The following SBK1 variants were observed in gnomAD, a reference collection of about 807,000 sequenced individuals.
SBK1 encodes the protein SH3 domain binding kinase 1.
SBK1 carries 11 observed loss-of-function variants against 24.4 expected under a neutral mutation model. The ratio of observed to expected loss-of-function variants is 0.45; its 90% CI spans 0.28 to 0.75. SBK1 has a LOEUF of 0.75. Among genes scored for constraint, SBK1 ranks in the 30% least tolerant of loss-of-function variants. SBK1 has a pLI of 0.12. For synonymous variants in SBK1, 308 were observed against 284.4 expected (o/e 1.08, Z -0.83); for missense variants, 467 against 620.5 (o/e 0.75, Z 2.63).
In SBK1 at chr16:28,266,747, TTA is replaced by T. The variant is rs1491262090; in HGVS notation, c.257+7246_257+7247del. Among the ~76,000 whole-genome samples, 134 of 137,142 alleles carry T rather than the reference TTA, an allele frequency of 9.8e-4. 1 individual carries two copies. The highest frequency in any genetic ancestry group is 3.1e-3 in the African/African-American group (105 of 33,546). The allele number at this position is 137,142 out of a possible 152,430, so 90.0% of individuals were successfully genotyped here. On this transcript the variant is annotated intron_variant, in intron 1 of 3. Coordinates refer to the SBK1 transcript ENST00000671413. ...TTTTTTCTTTTCTTTTTTTTTTTTTTTAAAAAAAAAACAAAACAGGATCTTGC... is the reference window on the plus strand; with the variant it reads ...TTTTTTCTTTTCTTTTTTTTTTTTTTAAAAAAAAACAAAACAGGATCTTGC...
chr16:28,290,085 C>CAA (rs34970334), upstream of SBK1, among the ~76,000 whole-genome samples: 5 of 102,722 alleles, frequency 4.9e-5, no homozygotes, highest in Admixed American at 1.1e-4. Context: ...GACCCTGTCT[C>CAA]AAAAAAAAAA....
At position 28,320,516 on chromosome 16, in the gene SBK1, C is replaced by T. The variant is rs1417172856; in HGVS notation, c.870C>T (p.Arg290=). The part of the protein sequence containing the change: ...QWRRFTEPAL[R]MFQRLLALEP... ...GCCGCTTCACCGAGCCCGCGCTGCG[C>T]ATGTTCCAGCGCTTACTGGCCCTGG... is the stretch of plus-strand genomic sequence containing the variant. Residue 290 remains arginine (R), a synonymous_variant, in exon 4 of 4, where the codon CGC becomes CGT. Transcript: ENST00000341901. This position sits in a 1 kb window ranked among gnomAD's most constrained non-coding sequence, Gnocchi z 8.5. The T allele has an allele frequency of 1.3e-6, 2 of 1,570,484 alleles. No homozygotes were observed. The highest frequency in any genetic ancestry group is 1.7e-6 in the Non-Finnish European group (2 of 1,164,354).
At chr16:28,276,233 C>T (rs1483561536) in intron 1 of SBK1, among the ~76,000 whole-genome samples, 1 of 152,198 alleles carries the variant, frequency 6.6e-6, no homozygotes, top group Non-Finnish European at 1.5e-5. Flanking sequence ...ACAGCAACGT[C>T]AGCACCCCTG....
intron 1 of SBK1, among the ~76,000 whole-genome samples, chr16:28,294,732 GC>G (rs1567675541): frequency 6.6e-6 from 1 of 152,172 alleles, no homozygotes; most frequent in Non-Finnish European, 1.5e-5. Context: ...AGCACCAAGT[GC>G]CCCCACCCCC....
chr16:28,276,916 G>A (rs955597185), intron 1 of SBK1, among the ~76,000 whole-genome samples: 14 of 151,974 alleles, frequency 9.2e-5, no homozygotes, highest in Non-Finnish European at 1.8e-4. Context: ...TGCCTGCCTC[G>A]GCCTCCCAAA....
intron 1 of SBK1, among the ~76,000 whole-genome samples, chr16:28,305,316 GT>G (rs2044708233): frequency 6.6e-6 from 1 of 152,070 alleles, no homozygotes; most frequent in African/African-American, 2.4e-5. Flanking sequence ...AGGTTCAAGT[GT>G]TTCTTGTGCC....
chr16:28,277,988 T>C (rs2044505231), intron 1 of SBK1, among the ~76,000 whole-genome samples: 1 of 152,244 alleles, frequency 6.6e-6, no homozygotes, highest in African/African-American at 2.4e-5. Flanking sequence ...GTCCGGGCCG[T>C]GTGGCCTCAG....
Position 28,292,634 on chromosome 16 carries a change from A to C in SBK1, c.-674A>C. ...AGCCCGGGCCAGGCCGGGGGCCGGGAGCGCAGGGCCGGGCTGCTCGTAGCG... is the reference window on the plus strand; with the variant it reads ...AGCCCGGGCCAGGCCGGGGGCCGGGCGCGCAGGGCCGGGCTGCTCGTAGCG... On this transcript the variant is annotated 5_prime_UTR_variant, in exon 1 of 4. Coordinates refer to ENST00000341901, the MANE Select transcript of SBK1 (RefSeq NM_001024401.3). 1 of 981,978 alleles carries C rather than the reference A, an allele frequency of 1.0e-6. No individual in the cohort carries two copies. 60.8% of individuals were successfully genotyped at this position (981,978 alleles called of 1,614,324 possible).
intron 1 of SBK1, among the ~76,000 whole-genome samples, chr16:28,315,497 C>T (rs1330128301): frequency 6.6e-6 from 1 of 152,104 alleles, no homozygotes; most frequent in Admixed American, 6.6e-5. Flanking sequence ...AGTGGTGGCT[C>T]ACGCTGTAGT....
At chr16:28,276,385 A>G (rs2044493944) in intron 1 of SBK1, among the ~76,000 whole-genome samples, 1 of 152,128 alleles carries the variant, frequency 6.6e-6, no homozygotes, top group African/African-American at 2.4e-5. Flanking sequence ...GGTTGGGGGC[A>G]CTCTGCTGAG....
chr16:28,293,436 C>T, intron 1 of SBK1, 136 bp downstream of exon 1: 1 of 269,002 alleles, frequency 3.7e-6, no homozygotes, highest in Non-Finnish European at 5.7e-6. Flanking sequence ...TGAAGGACGT[C>T]TCTTTGTGTC....
chr16:28,322,496 A>C lies in SBK1; in HGVS notation c.*1575A>C, dbSNP rs924167576. ...TGATGGGCCAGGCCGGCCAGAGTGA[A>C]CTCCGAGCACTTTCTGGCTGGTGCC... is the stretch of plus-strand genomic sequence containing the variant. On this transcript the variant is annotated 3_prime_UTR_variant, in exon 4 of 4. Transcript: ENST00000341901. 1 of 152,588 alleles carries C rather than the reference A, an allele frequency of 6.6e-6. No individual in the cohort carries two copies. Among genetic ancestry groups the C allele is most frequent in the African/African-American group, 2.4e-5 (1 of 41,320 alleles). 9.5% of individuals were successfully genotyped at this position (152,588 alleles called of 1,614,324 possible). A position where few individuals can be genotyped will look rare whatever the true frequency, so the allele number is the denominator to read the frequency against.
At chr16:28,308,743 GTGTGTGTGTGT>G (rs2044733898) in intron 1 of SBK1, among the ~76,000 whole-genome samples, 1 of 112,170 alleles carries the variant, frequency 8.9e-6, no homozygotes, top group Admixed American at 8.1e-5. Flanking sequence ...TCTTTGGGGT[GTGTGTGTGTGT>G]GTGTGTGTGT....
chr16:28,279,053 C>G (rs1009711707), intron 1 of SBK1, among the ~76,000 whole-genome samples: 3 of 151,834 alleles, frequency 2.0e-5, no homozygotes, highest in African/African-American at 7.3e-5. Flanking sequence ...TGGTCAAACC[C>G]GCTCTCTACC....
chr16:28,313,525 G>A (rs1189216982), intron 1 of SBK1, among the ~76,000 whole-genome samples: 3 of 150,778 alleles, frequency 2.0e-5, no homozygotes, highest in African/African-American at 7.3e-5. Context: ...CAGAGTCCGG[G>A]ATACAGAAGT....
At position 28,278,247 on chromosome 16, in the gene SBK1, G is replaced by A. The variant is rs564852871; in HGVS notation, c.257+18745G>A. ...CGGTCCCGGGAGAGAGACTGAGATC[G>A]ACTTTGGGGCAGGGGAGAGCAGGGG... On this transcript the variant is annotated intron_variant, in intron 1 of 3. Transcript: ENST00000671413. Among the ~76,000 whole-genome samples the A allele has an allele frequency of 4.6e-5, 7 of 152,328 alleles. No homozygotes were observed. In the East Asian group the frequency reaches 9.6e-4, roughly 21 times the overall value.
At chr16:28,280,022 A>C (rs115137164) in intron 1 of SBK1, among the ~76,000 whole-genome samples, 3,764 of 147,342 alleles carry the variant, frequency 0.026, 166 homozygotes, top group African/African-American at 0.082. Context: ...TGCTCTATTG[A>C]CCACGCTGGA....
chr16:28,320,423 C>G lies in SBK1; in HGVS notation c.777C>G (p.Ala259=). 1 of 1,588,270 alleles carries G rather than the reference C, an allele frequency of 6.3e-7. No individual in the cohort carries two copies. The highest frequency in any genetic ancestry group is 8.5e-7 in the Non-Finnish European group (1 of 1,173,962). ...GNFPWEAASG[A]DAFFEEFVRW... ...TCCCGTGGGAGGCGGCGTCGGGCGC[C>G]GACGCCTTCTTCGAGGAGTTCGTGC... Residue 259 remains alanine (A), a synonymous_variant, in exon 4 of 4, where the codon GCC becomes GCG. Transcript: ENST00000341901. The surrounding 1 kb of genome is among the most constrained non-coding windows in gnomAD (Gnocchi z 8.5).
chr16:28,320,881 G>T lies in SBK1; in HGVS notation c.1235G>T (p.Gly412Val). 6.6e-7 allele frequency: 1 copy of T among 1,504,732 alleles called. No individual in the cohort carries two copies. Among genetic ancestry groups the T allele is most frequent in the Non-Finnish European group, 8.8e-7 (1 of 1,131,836 alleles). The allele number at this position is 1,504,732 out of a possible 1,614,324, so 93.2% of individuals were successfully genotyped here. A position where few individuals can be genotyped will look rare whatever the true frequency, so the allele number is the denominator to read the frequency against. Reference sequence around the variant, plus strand: ...GACGGCCGCGCGGACAAGAGCAAAGGGCAGGTGGTGCTGGCCACGGCCATC... The same window carrying T: ...GACGGCCGCGCGGACAAGAGCAAAGTGCAGGTGGTGCTGGCCACGGCCATC... ...RTDGRADKSK[G>V]QVVLATAIEI... The change falls in exon 4 of 4, where the codon GGG becomes GTG. Residue 412 changes from glycine to valine, a missense_variant. Coordinates refer to ENST00000341901, the MANE Select transcript of SBK1 (RefSeq NM_001024401.3). This position sits in a 1 kb window ranked among gnomAD's most constrained non-coding sequence, Gnocchi z 8.5.
Sources: gnomAD v4.1 joint callset for allele counts (sites outside exome capture counted in the v4.1 genomes callset) on GRCh38, gnomAD v4.1.1 for gene constraint, Gnocchi (gnomAD v3.1) non-coding constraint, MANE v1.5 for transcripts, NCBI Gene and HGNC (gene_info 2026-07-23, HGNC 2026-07-21) for gene names.